ERCC8: variants seen among roughly 807,000 people sequenced by gnomAD.
The protein encoded by ERCC8 is DNA excision repair protein ERCC-8.
ERCC8 carries 52 observed loss-of-function variants against 54.9 expected under a neutral mutation model. The observed-to-expected ratio is 0.95, with a 90% confidence interval of 0.76 to 1.19. The LOEUF (loss-of-function observed/expected upper bound fraction) is 1.19. Among genes scored for constraint, ERCC8 ranks in the 50% most tolerant of loss-of-function variants. ERCC8 has a pLI of 0.00. For synonymous variants in ERCC8, 146 were observed against 157.2 expected, an observed-to-expected ratio of 0.93 and a Z score of 0.53; for missense variants, 514 against 466.1, an observed-to-expected ratio of 1.10 and a Z score of -0.95.
At chr5:60,944,149 T>G (rs1750352198) in intron 1 of ERCC8, among the ~76,000 whole-genome samples, 1 of 152,190 alleles carries the variant, frequency 6.6e-6, no homozygotes, top group Non-Finnish European at 1.5e-5. Flanking sequence ...TTATTCATTC[T>G]TCTCTTTTTG....
intron 4 of ERCC8, among the ~76,000 whole-genome samples, chr5:60,917,229 T>C (rs1216665291): frequency 6.6e-6 from 1 of 151,964 alleles, no homozygotes; most frequent in Non-Finnish European, 1.5e-5. Flanking sequence ...TGGCTCAATG[T>C]AATTGTAAAA....
chr5:60,884,638 A>G (rs1748344509), intron 11 of ERCC8, among the ~76,000 whole-genome samples: 1 of 151,704 alleles, frequency 6.6e-6, no homozygotes, highest in African/African-American at 2.4e-5. Context: ...GGCTTAAATT[A>G]TAAACATACA....
chr5:60,907,565 C>G (rs1219674068), intron 4 of ERCC8: 4 of 152,202 alleles, frequency 2.6e-5, no homozygotes, highest in African/African-American at 9.7e-5. Flanking sequence ...ATTGGCCAGG[C>G]TGGTCTTGAG....
chr5:60,944,289 AAGTGTAATCACAAC>A (rs370885728), intron 1 of ERCC8, among the ~76,000 whole-genome samples: 67 of 152,298 alleles, frequency 4.4e-4, no homozygotes, highest in Middle Eastern at 3.4e-3. Context: ...TCTCCCGGAC[AAGTGTAATCACAAC>A]AGTTACCTAA....
intron 1 of ERCC8, among the ~76,000 whole-genome samples, chr5:60,936,467 G>A (rs1413143415): frequency 6.6e-6 from 1 of 152,102 alleles, no homozygotes. Context: ...GAAAGAACCA[G>A]CTTTTTGTTG....
intron 4 of ERCC8, among the ~76,000 whole-genome samples, chr5:60,910,931 A>C (rs999153849): frequency 1.3e-5 from 2 of 152,152 alleles, no homozygotes; most frequent in South Asian, 4.1e-4. Flanking sequence ...GATAATGCAA[A>C]GGGAAAGCTT....
rs576853636 is a variant in ERCC8, at chr5:60,867,225, A to C, written c.*7390T>G. Among the ~76,000 whole-genome samples the C allele has an allele frequency of 3.9e-5, 6 of 152,132 alleles. No homozygotes were observed. In the East Asian group the frequency reaches 1.2e-3, roughly 30 times the overall value. On this transcript the variant is annotated 3_prime_UTR_variant, in exon 12 of 12. Coordinates refer to ENST00000676185, the MANE Select transcript of ERCC8 (RefSeq NM_000082.4). ...GGTAGTGACCTAAGACAGACTCAGG[A>C]CTTTTGATTTCCAGTCCACTGTTAT...
At chr5:60,878,026 G>A (rs1337526406) in intron 11 of ERCC8, among the ~76,000 whole-genome samples, 1 of 152,084 alleles carries the variant, frequency 6.6e-6, no homozygotes, top group African/African-American at 2.4e-5. Flanking sequence ...GATAGCTCTT[G>A]TTATTTTGAG....
chr5:60,928,385 T>C (rs1580039401), intron 2 of ERCC8, among the ~76,000 whole-genome samples: 2 of 152,200 alleles, frequency 1.3e-5, no homozygotes, highest in East Asian at 3.8e-4. Flanking sequence ...GTAGGTACTA[T>C]TGTTCCCATT....
At chr5:60,937,343 A>T (rs1158281970) in intron 1 of ERCC8, among the ~76,000 whole-genome samples, 1 of 152,184 alleles carries the variant, frequency 6.6e-6, no homozygotes, top group Non-Finnish European at 1.5e-5. Flanking sequence ...GGTGGTGGGC[A>T]GGCCGATAGA....
At chr5:60,891,330 C>T (rs1748542336) in intron 9 of ERCC8, among the ~76,000 whole-genome samples, 1 of 151,798 alleles carries the variant, frequency 6.6e-6, no homozygotes, top group Non-Finnish European at 1.5e-5. Context: ...AAGTAAAATA[C>T]AGACTTCAAC....
intron 2 of ERCC8, among the ~76,000 whole-genome samples, chr5:60,923,826 T>A (rs531872826): frequency 1.3e-5 from 2 of 152,214 alleles, no homozygotes; most frequent in African/African-American, 4.8e-5. Flanking sequence ...AGGGGAACCA[T>A]CAAAAATTCT....
chr5:60,876,708 T>C (rs1362933440), intron 11 of ERCC8, among the ~76,000 whole-genome samples: 1 of 152,200 alleles, frequency 6.6e-6, no homozygotes, highest in East Asian at 1.9e-4. Flanking sequence ...ATATCCTTCG[T>C]CCACTTTTTG....
At chr5:60,880,530 A>G (rs1748178868) in intron 11 of ERCC8, among the ~76,000 whole-genome samples, 1 of 152,294 alleles carries the variant, frequency 6.6e-6, no homozygotes, top group South Asian at 2.1e-4. Context: ...GTCTTTTCAC[A>G]TAGTCCCATA....
chr5:60,932,423 G>A (rs1222713857), intron 1 of ERCC8, among the ~76,000 whole-genome samples: 1 of 152,122 alleles, frequency 6.6e-6, no homozygotes, highest in Non-Finnish European at 1.5e-5. Context: ...CTACTTTTGG[G>A]AGTCTGGAAT....
rs1041598313 is a variant in ERCC8, at chr5:60,867,177, T to G, written c.*7438A>C. 1.3e-5 allele frequency among the ~76,000 whole-genome samples: 2 copies of G among 151,890 alleles called. No homozygotes were observed. Among genetic ancestry groups the G allele is most frequent in the Non-Finnish European group, 2.9e-5 (2 of 68,008 alleles). Reference sequence around the variant, plus strand: ...CCAATGAAAAAAGAAGGAAAAAAAATATCCAAATGTATATGTTTCCTTGGT... The same window carrying G: ...CCAATGAAAAAAGAAGGAAAAAAAAGATCCAAATGTATATGTTTCCTTGGT... On this transcript the variant is annotated 3_prime_UTR_variant, in exon 12 of 12. Transcript: ENST00000676185.
At chr5:60,916,247 TTC>T (rs1749431812) in intron 4 of ERCC8, among the ~76,000 whole-genome samples, 2 of 152,076 alleles carry the variant, frequency 1.3e-5, no homozygotes, top group African/African-American at 4.8e-5. Context: ...ACATTCCAAT[TTC>T]TGTCTCTCTA....
chr5:60,881,367 AC>A (rs1561494652), intron 11 of ERCC8, among the ~76,000 whole-genome samples: 1 of 152,120 alleles, frequency 6.6e-6, no homozygotes, highest in Non-Finnish European at 1.5e-5. Flanking sequence ...TGCTGGGAGA[AC>A]CACTATTCTC....
At chr5:60,905,029 A>T (rs4647098) in intron 4 of ERCC8, among the ~76,000 whole-genome samples, 156 bp from the exon 5 acceptor site, 1,563 of 152,254 alleles carry the variant, frequency 0.01, 13 homozygotes, top group Non-Finnish European at 0.018. Context: ...AAAAACCTTG[A>T]TAATTTGAAA....
Sources: gnomAD v4.1 joint callset for allele counts (sites outside exome capture counted in the v4.1 genomes callset) on GRCh38, gnomAD v4.1.1 for gene constraint, MANE v1.5 for transcripts, NCBI Gene and HGNC (gene_info 2026-07-23, HGNC 2026-07-21) for gene names.